The following PTPRC variants were observed in gnomAD, a reference collection of about 807,000 sequenced individuals.
PTPRC encodes protein tyrosine phosphatase receptor type C.
Under a neutral mutation model 155.9 loss-of-function variants are expected in PTPRC, and 44 were observed. The observed-to-expected ratio is 0.28, with a 90% CI of 0.22 to 0.36. The LOEUF (loss-of-function observed/expected upper bound fraction) is 0.36. PTPRC is among the 10% of genes least tolerant of loss of function. The probability of loss-of-function intolerance (pLI) is 1.00; values close to 1 mark genes in which losing one functional copy is unlikely to be tolerated. For synonymous variants in PTPRC, 525 were observed against 533.1 expected (o/e 0.98, Z 0.21); for missense variants, 1,401 against 1,564.6 (o/e 0.90, Z 1.76).
chr1:198,687,136 G>A (rs1665671482), intron 2 of PTPRC, among the ~76,000 whole-genome samples: 3 of 152,120 alleles, frequency 2.0e-5, no homozygotes, highest in African/African-American at 7.2e-5. Context: ...GGGACTATAG[G>A]TGTGCACCAC....
At chr1:198,650,418 T>C (rs1291746766) in intron 2 of PTPRC, among the ~76,000 whole-genome samples, 7 of 151,752 alleles carry the variant, frequency 4.6e-5, no homozygotes, top group South Asian at 2.1e-4. Context: ...GGACCAAGTG[T>C]TGGCAGTGCA....
At chr1:198,693,063 T>A in intron 3 of PTPRC, 1 of 977,136 alleles carries the variant, frequency 1.0e-6, no homozygotes, top group Non-Finnish European at 1.2e-6. Context: ...GTTGACAGTA[T>A]GCATTAAGAA....
At chr1:198,693,146 G>A in intron 3 of PTPRC, 1 of 940,448 alleles carries the variant, frequency 1.1e-6, no homozygotes, top group Non-Finnish European at 1.3e-6. Flanking sequence ...ACATTCAACA[G>A]ATCATGAAAT....
chr1:198,735,526 G>A (rs1179692699), intron 23 of PTPRC, among the ~76,000 whole-genome samples: 3 of 151,312 alleles, frequency 2.0e-5, no homozygotes, highest in Non-Finnish European at 4.4e-5. Flanking sequence ...TCCATTAAAT[G>A]TGTTGAAAAT....
chr1:198,694,065 C>T, intron 3 of PTPRC: 1 of 1,549,090 alleles, frequency 6.5e-7, no homozygotes, highest in Non-Finnish European at 8.7e-7. Context: ...GTCACCAAAC[C>T]TCAAAAGTAG....
At chr1:198,696,035 C>G (rs1666185525) in intron 3 of PTPRC, among the ~76,000 whole-genome samples, 1 of 151,982 alleles carries the variant, frequency 6.6e-6, no homozygotes, top group South Asian at 2.1e-4. Flanking sequence ...TGGTGTATGC[C>G]TGTAATCCCA....
At chr1:198,665,073 C>A (rs919860671) in intron 2 of PTPRC, among the ~76,000 whole-genome samples, 8 of 145,066 alleles carry the variant, frequency 5.5e-5, no homozygotes, top group African/African-American at 1.8e-4. Context: ...TAGAACATCC[C>A]GGCAGCATTT....
At chr1:198,674,531 A>G (rs1373530952) in intron 2 of PTPRC, among the ~76,000 whole-genome samples, 5 of 148,228 alleles carry the variant, frequency 3.4e-5, no homozygotes, top group African/African-American at 7.3e-5. Flanking sequence ...TATATATTTT[A>G]TATATATAAC....
At position 198,665,670 on chromosome 1, in the gene PTPRC, A is replaced by G. The variant is rs74134776; in HGVS notation, c.73+26329A>G. Among the ~76,000 whole-genome samples the G allele has an allele frequency of 5.9e-3, 891 of 152,292 alleles. 8 individuals are homozygous for G. The highest frequency in any genetic ancestry group is 0.02 in the African/African-American group (847 of 41,550). Reference sequence around the variant, plus strand: ...AGAACAGATAAACTGTGAACTTAATACAAGTGTCTCCTTTCCTTGGATTCT... The same window carrying G: ...AGAACAGATAAACTGTGAACTTAATGCAAGTGTCTCCTTTCCTTGGATTCT... On this transcript the variant is annotated intron_variant, in intron 2 of 32. Coordinates refer to ENST00000442510, the MANE Select transcript of PTPRC (RefSeq NM_002838.5).
chr1:198,639,389 G>A (rs771268163), intron 2 of PTPRC, 48 bp downstream of exon 2: 129 of 1,426,818 alleles, frequency 9.0e-5, no homozygotes, highest in Non-Finnish European at 1.2e-4. Flanking sequence ...TTCTCTTTTG[G>A]AGGAATGTTT....
intron 12 of PTPRC, among the ~76,000 whole-genome samples, chr1:198,714,346 A>T (rs1291046224): frequency 6.6e-6 from 1 of 151,916 alleles, no homozygotes; most frequent in Non-Finnish European, 1.5e-5. Flanking sequence ...CAGTTTTTTT[A>T]AACTGTATTT....
chr1:198,752,443 C>T (rs77007750), intron 30 of PTPRC, 72 bp downstream of exon 30: 1 of 1,573,902 alleles, frequency 6.4e-7, no homozygotes, highest in African/African-American at 1.4e-5. Context: ...ATAAATTACT[C>T]TATGCAGGCA....
intron 14 of PTPRC, among the ~76,000 whole-genome samples, chr1:198,720,821 A>G (rs1653850534): frequency 6.6e-6 from 1 of 152,268 alleles, no homozygotes; most frequent in East Asian, 1.9e-4. Flanking sequence ...CCTAAAAGAA[A>G]TATTTTCTTA....
chr1:198,711,876 T>C (rs1246635679), intron 11 of PTPRC, among the ~76,000 whole-genome samples: 2 of 152,220 alleles, frequency 1.3e-5, no homozygotes, highest in Non-Finnish European at 2.9e-5. Flanking sequence ...ATGCTCAGCA[T>C]CATTAGTTAA....
In PTPRC at chr1:198,757,080, A is replaced by T. The variant is rs997527950; in HGVS notation, c.*899A>T. 2.6e-5 allele frequency: 4 copies of T among 151,908 alleles called. No homozygotes were observed. The highest frequency in any genetic ancestry group is 5.9e-5 in the Non-Finnish European group (4 of 67,860). 9.4% of individuals were successfully genotyped at this position (151,908 alleles called of 1,614,324 possible). ...CATATTTGTTAAATATTTACATATG[A>T]AATTTAATATAGCTATTTTTATGGA... On this transcript the variant is annotated 3_prime_UTR_variant, in exon 33 of 33. Transcript: ENST00000442510.
chr1:198,709,427 A>G (rs1184368518), intron 10 of PTPRC, among the ~76,000 whole-genome samples: 1 of 152,104 alleles, frequency 6.6e-6, no homozygotes, highest in Non-Finnish European at 1.5e-5. Context: ...CTAAATGCAA[A>G]TATTCCAAAA....
At chr1:198,679,870 T>C in intron 2 of PTPRC, 1 of 621,146 alleles carries the variant, frequency 1.6e-6, no homozygotes, top group East Asian at 2.8e-5. Flanking sequence ...TTTCCTTGAC[T>C]CAAGATCATC....
chr1:198,665,079 CATTTTTTTTTTTTTT>C (rs1438463569), intron 2 of PTPRC, among the ~76,000 whole-genome samples: 25 of 102,244 alleles, frequency 2.4e-4, no homozygotes, highest in Non-Finnish European at 4.5e-4. Context: ...ATCCCGGCAG[CATTTTTTTTTTTTTT>C]TTTTTTTTTT....
In PTPRC at chr1:198,709,698, T is replaced by G; in HGVS notation, c.1045T>G (p.Phe349Val). The change falls in exon 11 of 33, where the codon TTT becomes GTT. Residue 349 changes from phenylalanine (F) to valine (V), a missense_variant. By Grantham distance (50) the Phe-to-Val change is conservative. This residue lies in a region of PTPRC where 867 missense variants were observed against 970.4 expected (regional missense o/e 0.89). Coordinates refer to ENST00000442510, the MANE Select transcript of PTPRC (RefSeq NM_002838.5). Reference protein sequence around the residue: ...TYRFQCGNMIFDNKEIKLENL... With the variant: ...TYRFQCGNMIVDNKEIKLENL... ...TTTCTTTATTTCAGGTAATATGATA[T>G]TTGATAATAAAGAAATTAAATTAGA... The G allele has an allele frequency of 1.3e-6, 2 of 1,576,818 alleles. No homozygotes were observed. Among genetic ancestry groups the G allele is most frequent in the South Asian group, 2.3e-5 (2 of 86,786 alleles).
Sources: gnomAD v4.1 joint callset for allele counts (sites outside exome capture counted in the v4.1 genomes callset) on GRCh38, gnomAD v4.1.1 for gene constraint, gnomAD v4.1.1 regional missense constraint, MANE v1.5 for transcripts, NCBI Gene and HGNC (gene_info 2026-07-23, HGNC 2026-07-21) for gene names.